The following EPHA6 variants were observed in gnomAD, a reference collection of about 807,000 sequenced individuals.
EPHA6 encodes the protein ephrin type-A receptor 6.
Under a neutral mutation model 112.0 loss-of-function variants are expected in EPHA6, and 50 were observed. The ratio of observed to expected loss-of-function variants is 0.45; its 90% CI spans 0.36 to 0.56. The LOEUF (loss-of-function observed/expected upper bound fraction) is 0.56, where lower values mean the gene tolerates loss of function less well. Among genes scored for constraint, EPHA6 ranks in the 20% least tolerant of loss-of-function variants. The probability of loss-of-function intolerance (pLI) is 0.00; values close to 1 mark genes in which losing one functional copy is unlikely to be tolerated. For missense variants in EPHA6, 1,280 were observed against 1,417.4 expected (o/e 0.90, Z 1.56); for synonymous variants, 529 against 490.7 (o/e 1.08, Z -1.03).
At chr3:97,127,648 G>C (rs1215994910) in intron 3 of EPHA6, among the ~76,000 whole-genome samples, 1 of 151,356 alleles carries the variant, frequency 6.6e-6, no homozygotes, top group South Asian at 2.1e-4. Context: ...TTGAACCTGA[G>C]AGGCAGAGGT....
At chr3:97,415,070 C>T (rs1049727782) in intron 6 of EPHA6, among the ~76,000 whole-genome samples, 1 of 151,966 alleles carries the variant, frequency 6.6e-6, no homozygotes, top group African/African-American at 2.4e-5. Flanking sequence ...ACTCAGAGTC[C>T]TCTTCCATTA....
At chr3:97,144,031 G>A (rs920152434) in intron 3 of EPHA6, among the ~76,000 whole-genome samples, 2 of 151,712 alleles carry the variant, frequency 1.3e-5, no homozygotes, top group African/African-American at 4.8e-5. Flanking sequence ...CTTTGTGCAA[G>A]GTTGTGGTTT....
intron 2 of EPHA6, among the ~76,000 whole-genome samples, chr3:96,948,715 T>A (rs2041395193): frequency 6.6e-6 from 1 of 152,142 alleles, no homozygotes. Context: ...ATAGCAGATC[T>A]AAGATAAATG....
At chr3:97,668,987 C>T (rs1450737760) in intron 14 of EPHA6, among the ~76,000 whole-genome samples, 1 of 134,120 alleles carries the variant, frequency 7.5e-6, no homozygotes, top group Non-Finnish European at 1.5e-5. Context: ...AACATTCTGA[C>T]ATTCATTATG....
chr3:97,194,380 A>G (rs1285992229), intron 3 of EPHA6, among the ~76,000 whole-genome samples: 1 of 151,590 alleles, frequency 6.6e-6, no homozygotes, highest in Non-Finnish European at 1.5e-5. Flanking sequence ...ATAGTTTCTA[A>G]TGTTCCTCTG....
chr3:97,499,997 C>T (rs1475960288), intron 10 of EPHA6, among the ~76,000 whole-genome samples: 1 of 152,086 alleles, frequency 6.6e-6, no homozygotes, highest in African/African-American at 2.4e-5. Context: ...TAATAACACT[C>T]AGAATAAAGC....
intron 3 of EPHA6, among the ~76,000 whole-genome samples, chr3:97,224,106 G>A (rs1038112225): frequency 1.3e-5 from 2 of 151,970 alleles, no homozygotes; most frequent in Admixed American, 1.3e-4. Context: ...TAATATTTTG[G>A]ATATATTGGG....
intron 13 of EPHA6, among the ~76,000 whole-genome samples, chr3:97,632,337 C>A (rs2093910782): frequency 6.6e-6 from 1 of 151,958 alleles, no homozygotes; most frequent in Admixed American, 6.6e-5. Context: ...CAAGGGTGAA[C>A]AAGACAAGAT....
At chr3:97,460,296 A>C (rs1210838365) in intron 7 of EPHA6, among the ~76,000 whole-genome samples, 2 of 152,240 alleles carry the variant, frequency 1.3e-5, no homozygotes, top group Non-Finnish European at 1.5e-5. Context: ...GAAACTCTCC[A>C]GGTATTGGGA....
intron 10 of EPHA6, among the ~76,000 whole-genome samples, chr3:97,494,625 T>C (rs2091930966): frequency 6.6e-6 from 1 of 152,090 alleles, no homozygotes; most frequent in Non-Finnish European, 1.5e-5. Flanking sequence ...ATGAAAGTGT[T>C]CACTACCTCC....
intron 3 of EPHA6, among the ~76,000 whole-genome samples, chr3:97,111,724 A>C (rs560905382): frequency 6.6e-6 from 1 of 152,162 alleles, no homozygotes; most frequent in East Asian, 1.9e-4. Flanking sequence ...AGCAATGTAC[A>C]CTTATATCTT....
chr3:97,654,594 T>C (rs1178288682), intron 14 of EPHA6, among the ~76,000 whole-genome samples: 1 of 151,888 alleles, frequency 6.6e-6, no homozygotes, highest in East Asian at 1.9e-4. Context: ...ACCTTTGAAG[T>C]AAGACCTGAA....
chr3:97,070,998 T>G (rs2046332449), intron 3 of EPHA6, among the ~76,000 whole-genome samples: 2 of 152,124 alleles, frequency 1.3e-5, no homozygotes, highest in African/African-American at 4.8e-5. Context: ...TATAGGGTGA[T>G]TATGGTGATC....
intron 2 of EPHA6, among the ~76,000 whole-genome samples, chr3:96,877,913 G>GTA (rs199836054): frequency 9.9e-5 from 13 of 131,214 alleles, no homozygotes; most frequent in Admixed American, 5.4e-4. Context: ...ATGTGTGTGT[G>GTA]TATATATATA....
rs1179843397 is a variant in EPHA6, at chr3:97,750,532, T to A, written c.*1831T>A. 6.6e-6 allele frequency among the ~76,000 whole-genome samples: 1 copy of A among 152,052 alleles called. No homozygotes were observed. Among genetic ancestry groups the A allele is most frequent in the Non-Finnish European group, 1.5e-5 (1 of 68,004 alleles). On this transcript the variant is annotated 3_prime_UTR_variant, in exon 18 of 18. Transcript: ENST00000389672. ...CCACCACTCCCGGCTAATTTTTGTATTTTTAGTAGAGACGGGGTTTCACCA... is the reference window on the plus strand; with the variant it reads ...CCACCACTCCCGGCTAATTTTTGTAATTTTAGTAGAGACGGGGTTTCACCA...
chr3:97,325,276 G>C (rs750109926), intron 5 of EPHA6, among the ~76,000 whole-genome samples: 2 of 152,104 alleles, frequency 1.3e-5, no homozygotes. Flanking sequence ...TTGGAAGTTG[G>C]AATTCCAAGA....
chr3:96,993,763 A>G (rs1163927549), intron 3 of EPHA6, among the ~76,000 whole-genome samples: 12 of 152,142 alleles, frequency 7.9e-5, no homozygotes, highest in Admixed American at 7.9e-4. Context: ...GATGATGAAA[A>G]TATATATAGA....
At chr3:97,518,701 G>T (rs2092488032) in intron 10 of EPHA6, among the ~76,000 whole-genome samples, 1 of 151,834 alleles carries the variant, frequency 6.6e-6, no homozygotes, top group Non-Finnish European at 1.5e-5. Context: ...ATATCTCTTT[G>T]GGGGTTCTAA....
chr3:97,011,113 A>C (rs1390993734), intron 3 of EPHA6, among the ~76,000 whole-genome samples: 1 of 152,202 alleles, frequency 6.6e-6, no homozygotes, highest in Non-Finnish European at 1.5e-5. Flanking sequence ...GAAGGAAAGC[A>C]GCTTTATTCA....
Sources: allele counts gnomAD v4.1 joint callset (sites outside exome capture counted in the v4.1 genomes callset), GRCh38; gene constraint gnomAD v4.1.1; transcripts MANE v1.5; gene names NCBI Gene and HGNC (gene_info 2026-07-23, HGNC 2026-07-21).